KIF3A: variants seen among roughly 807,000 people sequenced by gnomAD.
KIF3A encodes the protein kinesin-like protein KIF3A.
Under a neutral mutation model 92.6 loss-of-function variants are expected in KIF3A, and 27 were observed. The observed-to-expected ratio is 0.29, with a 90% CI of 0.21 to 0.40. The LOEUF is 0.40. KIF3A is among the 10% of genes least tolerant of loss of function. The pLI, the probability that KIF3A is intolerant of heterozygous loss-of-function variation, is 1.00. For synonymous variants in KIF3A, 250 were observed against 275.4 expected (o/e 0.91, Z 0.92); for missense variants, 581 against 872.6 (o/e 0.67, Z 4.21).
intron 2 of KIF3A, among the ~76,000 whole-genome samples, chr5:132,729,412 A>C (rs1298321252): frequency 6.6e-6 from 1 of 152,148 alleles, no homozygotes; most frequent in East Asian, 1.9e-4. Flanking sequence ...TTATAGTGCC[A>C]CTGCACCCCA....
intron 14 of KIF3A, 57 bp from the exon 15 acceptor site, chr5:132,702,269 C>T: frequency 1.3e-6 from 2 of 1,549,204 alleles, no homozygotes; most frequent in South Asian, 1.1e-5. Context: ...TACAAAACAG[C>T]ACCATCTCAC....
At chr5:132,697,971 T>G (rs1752895014) in intron 18 of KIF3A, 1 of 152,224 alleles carries the variant, frequency 6.6e-6, no homozygotes, top group African/African-American at 2.4e-5. Context: ...GGACTCATGT[T>G]TCTTAGAACT....
Position 132,726,231 on chromosome 5 carries a change from A to G in KIF3A, c.426-19T>C. ...CAAAAATCTATAAAACATCATTTTT[A>G]AAAAGTCAAAGAGTGAAATATTCAT... On this transcript the variant is annotated intron_variant, in intron 3 of 18. Coordinates refer to ENST00000403231, the MANE Select transcript of KIF3A (RefSeq NM_001300791.2). The G allele has an allele frequency of 6.3e-7, 1 of 1,592,964 alleles. No individual in the cohort carries two copies. Among genetic ancestry groups the G allele is most frequent in the Non-Finnish European group, 8.6e-7 (1 of 1,167,086 alleles).
At chr5:132,716,574 T>C (rs547475531) in intron 6 of KIF3A, 132 bp from the exon 7 acceptor site, 13 of 803,098 alleles carry the variant, frequency 1.6e-5, no homozygotes, top group African/African-American at 1.2e-4. Context: ...CAAAATAATA[T>C]AGGAAAGGAA....
chr5:132,716,238 G>GTT lies in KIF3A; in HGVS notation c.954+6_954+7insAA. 6.2e-7 allele frequency: 1 copy of GTT among 1,603,656 alleles called. No homozygotes were observed. The highest frequency in any genetic ancestry group is 8.5e-7 in the Non-Finnish European group (1 of 1,170,788). On this transcript the variant is annotated splice_region_variant and intron_variant, in intron 7 of 18. Transcript: ENST00000403231. ...TGATGTTAACTATATCACCAATTAA[G>GTT]TCTTACCATCATGGTTTTTGAATTT...
chr5:132,729,418 C>G (rs1754149747), intron 2 of KIF3A, among the ~76,000 whole-genome samples: 1 of 151,904 alleles, frequency 6.6e-6, no homozygotes, highest in Non-Finnish European at 1.5e-5. Context: ...TGCCACTGCA[C>G]CCCAGCCTGG....
In KIF3A at chr5:132,716,288, C is replaced by T. The variant is rs982629297; in HGVS notation, c.911G>A (p.Arg304His). Residue 304 changes from arginine (R) to histidine (H), a missense_variant, in exon 7 of 19, where the codon CGT becomes CAT. Transcript: ENST00000403231. ...HVPYRNSKLT[R>H]LLQDSLGGNS... ...TCCTCCTAAGGAATCCTGAAGAAGA[C>T]GAGTCAGTTTAGAGTTACGATAAGG... 1.2e-6 allele frequency: 2 copies of T among 1,613,806 alleles called. No individual in the cohort carries two copies. Among genetic ancestry groups the T allele is most frequent in the South Asian group, 1.1e-5 (1 of 91,066 alleles).
intron 4 of KIF3A, among the ~76,000 whole-genome samples, chr5:132,722,686 T>C (rs1263063044): frequency 6.6e-6 from 1 of 152,244 alleles, no homozygotes; most frequent in Non-Finnish European, 1.5e-5. Context: ...CTTTTCCATA[T>C]AGCAATAATA....
chr5:132,690,485 T>C (rs1158524741), downstream of KIF3A, among the ~76,000 whole-genome samples: 1 of 152,114 alleles, frequency 6.6e-6, no homozygotes, highest in Non-Finnish European at 1.5e-5. Context: ...ACAACAACAT[T>C]TTCAAATAGC....
Position 132,693,321 on chromosome 5 carries a change from T to C in KIF3A, c.*3313A>G, listed in dbSNP as rs1044655738. On this transcript the variant is annotated 3_prime_UTR_variant, in exon 19 of 19. Coordinates refer to ENST00000403231, the MANE Select transcript of KIF3A (RefSeq NM_001300791.2). ...ATCTAAACACAAATAGGAAACACGA[T>C]GATAATTTTAACATCCTATTAGTAT... The C allele has an allele frequency of 6.6e-6, 1 of 152,380 alleles. No individual in the cohort carries two copies. The highest frequency in any genetic ancestry group is 1.5e-5 in the Non-Finnish European group (1 of 68,032). 9.4% of individuals were successfully genotyped at this position (152,380 alleles called of 1,614,324 possible). A position where few individuals can be genotyped will look rare whatever the true frequency, so the allele number is the denominator to read the frequency against.
intron 11 of KIF3A, among the ~76,000 whole-genome samples, chr5:132,704,593 C>G (rs1393805578): frequency 6.6e-6 from 1 of 151,888 alleles, no homozygotes; most frequent in African/African-American, 2.4e-5. Context: ...GGTGATGAAA[C>G]TGAATCAAAG....
At chr5:132,724,812 TATATATATATATATATATA>T (rs1327342347) in intron 4 of KIF3A, among the ~76,000 whole-genome samples, 3 of 12,452 alleles carry the variant, frequency 2.4e-4, no homozygotes, top group African/African-American at 4.8e-4. Context: ...AAAAAATATA[TATATATATATATATATATA>T]TATATATATA....
chr5:132,735,243 T>C (rs1457846912), intron 1 of KIF3A, among the ~76,000 whole-genome samples: 1 of 152,030 alleles, frequency 6.6e-6, no homozygotes, highest in Non-Finnish European at 1.5e-5. Context: ...CCCAGCTAAT[T>C]TTTGTATTTT....
intron 8 of KIF3A, among the ~76,000 whole-genome samples, chr5:132,714,278 G>C (rs1296966243): frequency 6.6e-6 from 1 of 152,118 alleles, no homozygotes; most frequent in African/African-American, 2.4e-5. Context: ...TAGGGGAAGG[G>C]AGGAATGGGT....
chr5:132,726,067 T>C (rs2149916702), intron 4 of KIF3A, 61 bp downstream of exon 4: 2 of 1,232,572 alleles, frequency 1.6e-6, no homozygotes, highest in South Asian at 1.4e-5. Flanking sequence ...AGGGGGACCT[T>C]AATTTAGCAA....
chr5:132,700,926 C>T (rs1216092408), intron 15 of KIF3A, among the ~76,000 whole-genome samples: 1 of 151,872 alleles, frequency 6.6e-6, no homozygotes, highest in Non-Finnish European at 1.5e-5. Flanking sequence ...ACTTGGGAAT[C>T]AAGATAATGA....
intron 4 of KIF3A, among the ~76,000 whole-genome samples, chr5:132,724,836 TATATATATATATATATATATTA>T (rs1272825555): frequency 0.014 from 326 of 23,750 alleles, 15 homozygotes; most frequent in Middle Eastern, 0.12. Flanking sequence ...TATATATATA[TATATATATATATATATATATTA>T]AAAAATCATT....
At chr5:132,716,062 A>T (rs907362379) in intron 7 of KIF3A, 131 bp from the exon 8 acceptor site, 33 of 850,696 alleles carry the variant, frequency 3.9e-5, no homozygotes, top group Non-Finnish European at 5.5e-5. Context: ...TGAGAGTGTC[A>T]ACCACATGAG....
intron 8 of KIF3A, among the ~76,000 whole-genome samples, chr5:132,713,112 G>A (rs1237535505): frequency 6.6e-6 from 1 of 152,094 alleles, no homozygotes; most frequent in Non-Finnish European, 1.5e-5. Context: ...AGCTGAGACT[G>A]TGCCACTGAA....
Sources: allele counts gnomAD v4.1 joint callset (sites outside exome capture counted in the v4.1 genomes callset), GRCh38; gene constraint gnomAD v4.1.1; transcripts MANE v1.5; gene names NCBI Gene and HGNC (gene_info 2026-07-23, HGNC 2026-07-21).